ABLIM1: variants seen among roughly 807,000 people sequenced by gnomAD.
The protein encoded by ABLIM1 is actin-binding LIM protein 1.
Under a neutral mutation model 107.0 loss-of-function variants are expected in ABLIM1, and 40 were observed. That is an observed-to-expected ratio of 0.37 (90% CI 0.29 to 0.49). The LOEUF (loss-of-function observed/expected upper bound fraction) is 0.49. ABLIM1 is among the 20% of genes least tolerant of loss of function. The probability of loss-of-function intolerance (pLI) is 0.97; values close to 1 mark genes in which losing one functional copy is unlikely to be tolerated. For synonymous variants in ABLIM1, 357 were observed against 357.3 expected, an observed-to-expected ratio of 1.00 and a Z score of 0.01; for missense variants, 857 against 1,008.5, an observed-to-expected ratio of 0.85 and a Z score of 2.04.
chr10:114,796,138 A>C, the ABLIM1 span, among the ~76,000 whole-genome samples: 6 of 152,116 alleles, frequency 3.9e-5, no homozygotes, highest in Non-Finnish European at 8.8e-5. Context: ...TAAGCTTCAA[A>C]ATTTTTCAGT....
At chr10:114,591,781 T>TA (rs1198469978) in intron 2 of ABLIM1, among the ~76,000 whole-genome samples, 1 of 14,878 alleles carries the variant, frequency 6.7e-5, no homozygotes, top group Non-Finnish European at 1.6e-4. Context: ...AAACTTTGGA[T>TA]TTTTTTTCAG....
At chr10:114,691,627 T>C (rs2081081230) in intron 1 of ABLIM1, among the ~76,000 whole-genome samples, 1 of 152,180 alleles carries the variant, frequency 6.6e-6, no homozygotes, top group South Asian at 2.1e-4. Context: ...AAAGTTGTAA[T>C]GATAAAGTCT....
chr10:114,798,981 A>T, the ABLIM1 span, among the ~76,000 whole-genome samples: 1 of 151,808 alleles, frequency 6.6e-6, no homozygotes, highest in East Asian at 1.9e-4. Flanking sequence ...TTTTTAGTAG[A>T]GATGGGGTGG....
chr10:114,470,547 G>C (rs1255240802), intron 10 of ABLIM1, among the ~76,000 whole-genome samples: 2 of 152,232 alleles, frequency 1.3e-5, no homozygotes, highest in East Asian at 3.9e-4. Context: ...GCAAGTATTG[G>C]GAAAGAGTTC....
At chr10:114,766,104 T>C (rs1257562627) in intron 1 of ABLIM1, among the ~76,000 whole-genome samples, 1 of 152,228 alleles carries the variant, frequency 6.6e-6, no homozygotes, top group Non-Finnish European at 1.5e-5. Flanking sequence ...TTACCAAGCT[T>C]AGCTCAGGCA....
intron 7 of ABLIM1, among the ~76,000 whole-genome samples, chr10:114,491,219 T>A (rs1304048519): frequency 1.3e-5 from 2 of 151,542 alleles, no homozygotes; most frequent in Non-Finnish European, 2.9e-5. Flanking sequence ...TCTCTTGTTA[T>A]CTCCTATTCT....
At chr10:114,792,457 C>T in the ABLIM1 span, among the ~76,000 whole-genome samples, 1 of 152,170 alleles carries the variant, frequency 6.6e-6, no homozygotes, top group Non-Finnish European at 1.5e-5. Context: ...GATACTGATA[C>T]ATCAGATAAC....
intron 1 of ABLIM1, among the ~76,000 whole-genome samples, chr10:114,759,428 T>G (rs2082697607): frequency 6.6e-6 from 1 of 152,166 alleles, no homozygotes; most frequent in South Asian, 2.1e-4. Flanking sequence ...CACTAAGCAT[T>G]TCCTTCCCAT....
At chr10:114,769,105 GGACGGATCA>G (rs1040769064), upstream of ABLIM1, among the ~76,000 whole-genome samples, 16 of 148,880 alleles carry the variant, frequency 1.1e-4, no homozygotes, top group Non-Finnish European at 2.2e-4. Flanking sequence ...AGGCTGAGGT[GGACGGATCA>G]CTTGAGGTCA....
intron 1 of ABLIM1, among the ~76,000 whole-genome samples, chr10:114,644,306 AATAT>A (rs1244613103): frequency 0.029 from 1,515 of 52,192 alleles, 143 homozygotes; most frequent in African/African-American, 0.12. Flanking sequence ...AAAAAAAAAA[AATAT>A]ATATATATAT....
intron 8 of ABLIM1, among the ~76,000 whole-genome samples, chr10:114,477,765 C>T (rs1275143791): frequency 6.6e-6 from 1 of 152,018 alleles, no homozygotes; most frequent in Admixed American, 6.6e-5. Flanking sequence ...ACTCTGTCGC[C>T]CAGCCTGGAG....
chr10:114,612,242 T>G (rs949490188), intron 1 of ABLIM1, among the ~76,000 whole-genome samples: 1 of 152,050 alleles, frequency 6.6e-6, no homozygotes, highest in South Asian at 2.1e-4. Flanking sequence ...CAGGAGTGAG[T>G]GAATTATCAC....
At chr10:114,784,080 G>A in the ABLIM1 span, among the ~76,000 whole-genome samples, 1 of 151,980 alleles carries the variant, frequency 6.6e-6, no homozygotes, top group Non-Finnish European at 1.5e-5. Flanking sequence ...GGGCGCAGTG[G>A]CTCACATCTG....
chr10:114,526,744 G>A (rs1590926692), intron 6 of ABLIM1: 3 of 985,472 alleles, frequency 3.0e-6, no homozygotes, highest in Non-Finnish European at 2.4e-6. Context: ...TTCAGAACAC[G>A]GCCAAGAGGC....
chr10:114,584,022 A>C (rs1000749749), intron 2 of ABLIM1, among the ~76,000 whole-genome samples: 2 of 152,102 alleles, frequency 1.3e-5, no homozygotes, highest in African/African-American at 2.4e-5. Context: ...TACTATGCTT[A>C]TTACCTGGGT....
chr10:114,476,864 C>T (rs1382839840), intron 8 of ABLIM1, among the ~76,000 whole-genome samples: 1 of 152,102 alleles, frequency 6.6e-6, no homozygotes, highest in Non-Finnish European at 1.5e-5. Context: ...ATTTTCCAAA[C>T]TTAATGTCAA....
intron 1 of ABLIM1, among the ~76,000 whole-genome samples, chr10:114,630,932 A>G (rs1293509006): frequency 6.6e-6 from 1 of 152,224 alleles, no homozygotes; most frequent in African/African-American, 2.4e-5. Flanking sequence ...TGATCATAGA[A>G]TGATTCAATT....
chr10:114,746,839 T>TTGTATGTCTTCTTTTGACA (rs1566298466), intron 1 of ABLIM1, among the ~76,000 whole-genome samples: 1 of 152,230 alleles, frequency 6.6e-6, no homozygotes, highest in East Asian at 1.9e-4. Flanking sequence ...TGTTAGTCAT[T>TTGTATGTCTTCTTTTGACA]TGTATGTCTT....
intron 1 of ABLIM1, chr10:114,615,518 C>CT (rs530958308): frequency 2.2e-6 from 1 of 457,746 alleles, no homozygotes. Context: ...CATTCTATTT[C>CT]TTTTTTCTTT....
Sources: gnomAD v4.1 joint callset for allele counts (sites outside exome capture counted in the v4.1 genomes callset) on GRCh38, gnomAD v4.1.1 for gene constraint, MANE v1.5 for transcripts, NCBI Gene and HGNC (gene_info 2026-07-23, HGNC 2026-07-21) for gene names.